Variants in CCSER1 observed in about 807,000 individuals in gnomAD.
CCSER1 encodes the protein serine-rich coiled-coil domain-containing protein 1.
CCSER1 carries 41 observed loss-of-function variants against 82.0 expected under a neutral mutation model. That is an observed-to-expected ratio of 0.50 (90% CI 0.39 to 0.65). The LOEUF (loss-of-function observed/expected upper bound fraction) is 0.65, where lower values mean the gene tolerates loss of function less well. Ranked by LOEUF, CCSER1 falls within the 30% of genes least tolerant of loss-of-function variation. CCSER1 has a pLI of 0.00. For synonymous variants in CCSER1, 414 were observed against 383.9 expected, an observed-to-expected ratio of 1.08 and a Z score of -0.92; for missense variants, 1,119 against 1,064.2, an observed-to-expected ratio of 1.05 and a Z score of -0.72.
At chr4:91,296,463 ATATG>A (rs35335629) in intron 10 of CCSER1, among the ~76,000 whole-genome samples, 1,066 of 52,788 alleles carry the variant, frequency 0.02, 43 homozygotes, top group African/African-American at 0.046. Flanking sequence ...ATATATATAT[ATATG>A]TATATATATA....
At chr4:90,657,460 G>A (rs1729906248) in intron 6 of CCSER1, among the ~76,000 whole-genome samples, 1 of 152,030 alleles carries the variant, frequency 6.6e-6, no homozygotes, top group African/African-American at 2.4e-5. Flanking sequence ...CTTTTCAAAT[G>A]TTGCTTCTGC....
chr4:91,098,635 G>C (rs866163992), intron 10 of CCSER1, among the ~76,000 whole-genome samples: 1 of 151,298 alleles, frequency 6.6e-6, no homozygotes, highest in African/African-American at 2.4e-5. Context: ...TCCGCCTCCC[G>C]GGTTCATGCC....
intron 1 of CCSER1, among the ~76,000 whole-genome samples, chr4:90,243,185 T>A (rs966805079): frequency 1.1e-4 from 17 of 151,094 alleles, no homozygotes. Flanking sequence ...TGCCTCAGCC[T>A]CCCAAGCAGC....
chr4:91,352,015 G>T (rs183373753), intron 10 of CCSER1, among the ~76,000 whole-genome samples: 1 of 152,014 alleles, frequency 6.6e-6, no homozygotes, highest in Non-Finnish European at 1.5e-5. Flanking sequence ...AACCAAAGGG[G>T]CATTTGATAA....
intron 5 of CCSER1, among the ~76,000 whole-genome samples, chr4:90,499,936 T>C (rs1769603187): frequency 6.6e-6 from 1 of 152,136 alleles, no homozygotes; most frequent in Non-Finnish European, 1.5e-5. Flanking sequence ...ACCAAATTAG[T>C]CATTTATGGG....
chr4:90,187,177 G>C (rs1734759525), intron 1 of CCSER1, among the ~76,000 whole-genome samples: 1 of 151,620 alleles, frequency 6.6e-6, no homozygotes, highest in African/African-American at 2.4e-5. Flanking sequence ...GAAATACCAT[G>C]TTAGATTTTT....
chr4:91,262,152 A>C (rs1168827453), intron 10 of CCSER1, among the ~76,000 whole-genome samples: 1 of 152,170 alleles, frequency 6.6e-6, no homozygotes, highest in African/African-American at 2.4e-5. Context: ...AGGGTCTGTT[A>C]CCAAACTATT....
At chr4:91,212,378 C>G (rs1034389901) in intron 10 of CCSER1, among the ~76,000 whole-genome samples, 83 of 151,964 alleles carry the variant, frequency 5.5e-4, no homozygotes, top group African/African-American at 1.9e-3. Flanking sequence ...TCTCCCCTTG[C>G]CAGTCCTTTT....
At chr4:90,137,120 G>A (rs1723839079) in intron 1 of CCSER1, among the ~76,000 whole-genome samples, 1 of 152,078 alleles carries the variant, frequency 6.6e-6, no homozygotes, top group Admixed American at 6.5e-5. Context: ...AATATTAAAA[G>A]TACTCATTAA....
intron 10 of CCSER1, among the ~76,000 whole-genome samples, chr4:91,318,648 T>C (rs1162999897): frequency 6.6e-6 from 1 of 152,062 alleles, no homozygotes; most frequent in Non-Finnish European, 1.5e-5. Flanking sequence ...ATTTTCTTTC[T>C]TAAAATTGTA....
chr4:91,094,159 G>C (rs116197137), intron 10 of CCSER1, among the ~76,000 whole-genome samples: 2,559 of 152,206 alleles, frequency 0.017, 38 homozygotes, highest in Non-Finnish European at 0.029. Context: ...GATTGTCCAC[G>C]TACTGGAGCA....
chr4:90,543,109 A>G (rs924381586), intron 5 of CCSER1, among the ~76,000 whole-genome samples: 2 of 152,124 alleles, frequency 1.3e-5, no homozygotes, highest in African/African-American at 4.8e-5. Flanking sequence ...TAGATTTTGA[A>G]CTAGGAGTTC....
intron 9 of CCSER1, among the ~76,000 whole-genome samples, chr4:90,981,702 C>A (rs561884758): frequency 1.6e-4 from 24 of 151,816 alleles, no homozygotes; most frequent in African/African-American, 5.3e-4. Context: ...TGATGGGGAA[C>A]CCAAGTTCAA....
At chr4:90,239,555 G>T (rs559453049) in intron 1 of CCSER1, among the ~76,000 whole-genome samples, 32 of 152,276 alleles carry the variant, frequency 2.1e-4, no homozygotes, top group African/African-American at 7.5e-4. Context: ...AGGCTGGAGA[G>T]CAGTGGTACA....
chr4:90,332,595 T>C (rs975572254), intron 3 of CCSER1, among the ~76,000 whole-genome samples: 1 of 152,186 alleles, frequency 6.6e-6, no homozygotes, highest in Non-Finnish European at 1.5e-5. Context: ...AGTAAAGAAC[T>C]CTCATAGGAC....
intron 10 of CCSER1, among the ~76,000 whole-genome samples, chr4:91,291,101 A>G (rs1363951292): frequency 6.6e-6 from 1 of 151,430 alleles, no homozygotes; most frequent in Non-Finnish European, 1.5e-5. Flanking sequence ...TTTACCTTTC[A>G]CAGTATTAAT....
At chr4:90,382,017 G>GT (rs141065008) in intron 3 of CCSER1, among the ~76,000 whole-genome samples, 65 of 152,174 alleles carry the variant, frequency 4.3e-4, no homozygotes, top group Non-Finnish European at 6.9e-4. Context: ...GTTAGATGCA[G>GT]TAAAAACTGG....
chr4:90,399,370 C>T (rs981194980), intron 3 of CCSER1, among the ~76,000 whole-genome samples: 5 of 151,932 alleles, frequency 3.3e-5, no homozygotes, highest in African/African-American at 1.2e-4. Flanking sequence ...TAATTTTAAT[C>T]GAATTAATAT....
At chr4:90,521,156 T>C (rs901717842) in intron 5 of CCSER1, among the ~76,000 whole-genome samples, 4 of 152,160 alleles carry the variant, frequency 2.6e-5, no homozygotes, top group African/African-American at 9.7e-5. Flanking sequence ...ATAATTCTTG[T>C]GCTTCTCTTA....
Sources: gnomAD v4.1 joint callset for allele counts (sites outside exome capture counted in the v4.1 genomes callset) on GRCh38, gnomAD v4.1.1 for gene constraint, MANE v1.5 for transcripts, NCBI Gene and HGNC (gene_info 2026-07-23, HGNC 2026-07-21) for gene names.